Variants in SCTR observed in about 807,000 individuals in gnomAD.
The protein encoded by SCTR is pancreatic secretin receptor.
SCTR carries 56 observed loss-of-function variants against 60.8 expected under a neutral mutation model. The observed-to-expected ratio is 0.92, with a 90% CI of 0.74 to 1.15. SCTR has a LOEUF of 1.15. Among genes scored for constraint, SCTR ranks in the 50% most tolerant of loss-of-function variants. The probability of loss-of-function intolerance (pLI) is 0.00; values close to 1 mark genes in which losing one functional copy is unlikely to be tolerated. For missense variants in SCTR, 562 were observed against 550.4 expected, an observed-to-expected ratio of 1.02 and a Z score of -0.21; for synonymous variants, 202 against 217.0, an observed-to-expected ratio of 0.93 and a Z score of 0.61.
chr2:119,464,227 G>T lies in SCTR; in HGVS notation c.532C>A (p.His178Asn). The T allele has an allele frequency of 1.9e-6, 3 of 1,614,226 alleles. No homozygotes were observed. Among genetic ancestry groups the T allele is most frequent in the Non-Finnish European group, 2.5e-6 (3 of 1,180,030 alleles). The stretch of plus-strand genomic sequence containing the variant: ...ATGAAGGACACGAACAGGTGCATGT[G>T]GATGTAGTTGCGAGTGCAGTGGAGC... ...RRLHCTRNYIHMHLFVSFILR... is the reference protein window; with the variant it reads ...RRLHCTRNYINMHLFVSFILR... Residue 178 changes from histidine to asparagine, a missense_variant, in exon 6 of 13, where the codon CAC (histidine) becomes AAC (asparagine). Transcript: ENST00000019103.
chr2:119,490,538 G>T (rs545100001), intron 2 of SCTR, among the ~76,000 whole-genome samples: 38 of 152,192 alleles, frequency 2.5e-4, no homozygotes, highest in Non-Finnish European at 4.0e-4. Flanking sequence ...CTACATGTGT[G>T]ATTTTTTATC....
At chr2:119,442,819 A>C (rs1373039330) in intron 11 of SCTR, among the ~76,000 whole-genome samples, 1 of 152,094 alleles carries the variant, frequency 6.6e-6, no homozygotes, top group East Asian at 1.9e-4. Flanking sequence ...GTTCCAAAAA[A>C]CGGGCATCAT....
chr2:119,512,424 T>C (rs1678986396), intron 1 of SCTR, among the ~76,000 whole-genome samples: 1 of 145,096 alleles, frequency 6.9e-6, no homozygotes, highest in African/African-American at 2.8e-5. Flanking sequence ...TGAGATGGAG[T>C]CCCGCTCTAT....
At chr2:119,508,228 A>T (rs987476348) in intron 1 of SCTR, among the ~76,000 whole-genome samples, 1 of 152,080 alleles carries the variant, frequency 6.6e-6, no homozygotes, top group Non-Finnish European at 1.5e-5. Context: ...ATATTCAACC[A>T]TGGGGATGGG....
chr2:119,519,867 A>G (rs2587658), intron 1 of SCTR, among the ~76,000 whole-genome samples: 1 of 139,792 alleles, frequency 7.2e-6, no homozygotes, highest in African/African-American at 2.6e-5. Context: ...AAAAAGAAAA[A>G]AAAACAAAAA....
Position 119,440,163 on chromosome 2 carries a change from C to T in SCTR, c.1277G>A (p.Ser426Asn), listed in dbSNP as rs750186819. 31 of 1,613,962 alleles carry T rather than the reference C, an allele frequency of 1.9e-5. No homozygotes were observed. In the Admixed American group the frequency reaches 3.5e-4, roughly 18 times the overall value. ...GGTGCCCTGGCTCTGCTCCAAGTGG[C>T]TGGCCTTGGTGCTGTTGCTGAAGGA... Reference protein sequence around the residue: ...VASFSNSTKASHLEQSQGTCR... With the variant: ...VASFSNSTKANHLEQSQGTCR... Residue 426 changes from serine to asparagine, a missense_variant, in exon 13 of 13, where the codon AGC (serine) becomes AAC (asparagine). Transcript: ENST00000019103.
chr2:119,500,973 T>C (rs1374327556), intron 1 of SCTR, among the ~76,000 whole-genome samples: 1 of 152,164 alleles, frequency 6.6e-6, no homozygotes, highest in Non-Finnish European at 1.5e-5. Context: ...TGAATGTATA[T>C]GATTATCACA....
At position 119,448,768 on chromosome 2, in the gene SCTR, G is replaced by A. The variant is rs149428185; in HGVS notation, c.934C>T (p.Leu312Phe). Residue 312 changes from leucine (L) to phenylalanine (F), a missense_variant, in exon 10 of 13, where the codon CTT becomes TTT. Leu to Phe is a conservative substitution (Grantham distance 22). Transcript: ENST00000019103. ...VILSILINFI[L>F]FINILRILMR... The stretch of plus-strand genomic sequence containing the variant: ...AGGATTCTTAGAATGTTTATGAAAA[G>A]GATGAAATTAATCTGCAAAACACAA... 88 of 1,586,552 alleles carry A rather than the reference G, an allele frequency of 5.5e-5. No individual in the cohort carries two copies. In the African/African-American group the frequency reaches 1.1e-3, roughly 19 times the overall value.
At chr2:119,519,842 AAAAACAAAG>A (rs1679235200) in intron 1 of SCTR, among the ~76,000 whole-genome samples, 1 of 117,116 alleles carries the variant, frequency 8.5e-6, no homozygotes, top group African/African-American at 3.0e-5. Flanking sequence ...AAAAGAAAAG[AAAAACAAAG>A]AAAAAAAAAA....
At chr2:119,519,838 A>G (rs1435432815) in intron 1 of SCTR, among the ~76,000 whole-genome samples, 1 of 122,312 alleles carries the variant, frequency 8.2e-6, no homozygotes, top group Non-Finnish European at 1.8e-5. Context: ...GAAAAAAAGA[A>G]AAGAAAAACA....
At chr2:119,516,063 G>C (rs2860797) in intron 1 of SCTR, among the ~76,000 whole-genome samples, 37,469 of 152,128 alleles carry the variant, frequency 0.25, 4,772 homozygotes, top group Admixed American at 0.26. Flanking sequence ...TGTGGGGTGA[G>C]AACAAGTGCT....
chr2:119,512,876 T>G (rs1679001497), intron 1 of SCTR, among the ~76,000 whole-genome samples: 1 of 152,224 alleles, frequency 6.6e-6, no homozygotes, highest in Non-Finnish European at 1.5e-5. Flanking sequence ...TTTCCAAATA[T>G]TAGTTGTACG....
At chr2:119,494,605 G>T in intron 1 of SCTR, 57 bp from the exon 2 acceptor site, 3 of 1,579,558 alleles carry the variant, frequency 1.9e-6, no homozygotes, top group East Asian at 2.3e-5. Flanking sequence ...TTTGCCACAT[G>T]GGGGAGAATG....
intron 1 of SCTR, among the ~76,000 whole-genome samples, chr2:119,505,858 T>TA (rs1052979973): frequency 9.9e-5 from 15 of 151,968 alleles, no homozygotes; most frequent in African/African-American, 2.9e-4. Context: ...AAGTATAATT[T>TA]AAAAAAACAG....
intron 4 of SCTR, among the ~76,000 whole-genome samples, chr2:119,471,465 A>T (rs1677008179): frequency 6.6e-6 from 1 of 152,182 alleles, no homozygotes; most frequent in Non-Finnish European, 1.5e-5. Flanking sequence ...TCCCAATGGG[A>T]TGACAAGCCC....
At chr2:119,522,752 C>G (rs1040169304) in intron 1 of SCTR, among the ~76,000 whole-genome samples, 2 of 152,112 alleles carry the variant, frequency 1.3e-5, no homozygotes, top group African/African-American at 4.8e-5. Context: ...GAGCTATTGC[C>G]TCTCCCACCC....
chr2:119,466,945 G>T (rs1683857646), intron 4 of SCTR, among the ~76,000 whole-genome samples: 2 of 152,160 alleles, frequency 1.3e-5, no homozygotes, highest in South Asian at 4.1e-4. Context: ...AGAGGTAGAA[G>T]GGATCCATCA....
chr2:119,490,469 C>T (rs574713303), intron 2 of SCTR, among the ~76,000 whole-genome samples: 3 of 152,348 alleles, frequency 2.0e-5, no homozygotes, highest in Admixed American at 1.3e-4. Flanking sequence ...GCCGCCTATG[C>T]GGAGGTTTAT....
At position 119,512,223 on chromosome 2, in the gene SCTR, G is replaced by A. The variant is rs115802988; in HGVS notation, c.72+11932C>T. Among the ~76,000 whole-genome samples, 1,317 of 151,840 alleles carry A rather than the reference G, an allele frequency of 8.7e-3. 19 individuals carry two copies. The highest frequency in any genetic ancestry group is 0.03 in the African/African-American group (1,257 of 41,364). ...CTGGAATTCCCACTAGCAGAGTATC[G>A]GACGAGGTGCACTGATTCTCCAATC... On this transcript the variant is annotated intron_variant, in intron 1 of 12. Transcript: ENST00000019103.
Sources: allele counts gnomAD v4.1 joint callset (sites outside exome capture counted in the v4.1 genomes callset), GRCh38; gene constraint gnomAD v4.1.1; transcripts MANE v1.5; gene names NCBI Gene and HGNC (gene_info 2026-07-23, HGNC 2026-07-21).